The following RGS6 variants were observed in gnomAD, a reference collection of about 807,000 sequenced individuals.
RGS6 encodes the protein regulator of G-protein signaling 6.
In RGS6, 30 loss-of-function variants were observed where a neutral mutation model predicts 78.5. The ratio of observed to expected loss-of-function variants is 0.38; its 90% CI spans 0.29 to 0.52. RGS6 has a LOEUF of 0.52. RGS6 is among the 20% of genes least tolerant of loss of function. The pLI is 0.85. For synonymous variants in RGS6, 206 were observed against 206.0 expected, an observed-to-expected ratio of 1.00 and a Z score of 0.00; for missense variants, 495 against 609.7, an observed-to-expected ratio of 0.81 and a Z score of 1.98.
chr14:72,481,053 G>C (rs372095971), intron 12 of RGS6, among the ~76,000 whole-genome samples: 1 of 152,040 alleles, frequency 6.6e-6, no homozygotes, highest in African/African-American at 2.4e-5. Flanking sequence ...TAGGGGATGG[G>C]TCTGAAACCG....
chr14:72,416,644 G>T (rs1487352808), intron 3 of RGS6, among the ~76,000 whole-genome samples: 1 of 152,162 alleles, frequency 6.6e-6, no homozygotes, highest in South Asian at 2.1e-4. Flanking sequence ...CTGACCTTAG[G>T]CTGTAGTGCT....
intron 2 of RGS6, among the ~76,000 whole-genome samples, chr14:72,239,611 G>A (rs1176160818): frequency 6.6e-6 from 1 of 152,162 alleles, no homozygotes; most frequent in Non-Finnish European, 1.5e-5. Context: ...CTTGACACCA[G>A]TAATCTGATA....
chr14:72,067,787 T>A (rs931538480), intron 2 of RGS6, among the ~76,000 whole-genome samples: 6 of 152,222 alleles, frequency 3.9e-5, no homozygotes, highest in Admixed American at 3.9e-4. Flanking sequence ...ATTTCCCTTA[T>A]TAGTCTTCTA....
chr14:72,154,377 A>G (rs112081318), intron 2 of RGS6, among the ~76,000 whole-genome samples: 1 of 152,182 alleles, frequency 6.6e-6, no homozygotes. Context: ...AGATAACGGT[A>G]TTAAGAGATT....
chr14:72,137,526 G>A (rs1270506084), intron 2 of RGS6, among the ~76,000 whole-genome samples: 1 of 152,230 alleles, frequency 6.6e-6, no homozygotes, highest in Non-Finnish European at 1.5e-5. Flanking sequence ...CTGAGCAACT[G>A]GCCATAAATT....
chr14:72,268,383 T>A (rs1445296851), intron 2 of RGS6, among the ~76,000 whole-genome samples: 2 of 152,214 alleles, frequency 1.3e-5, no homozygotes. Flanking sequence ...TTCATTTCAC[T>A]TCATAGCAAC....
upstream of RGS6, among the ~76,000 whole-genome samples, chr14:71,929,837 G>A (rs1258754009): frequency 3.9e-5 from 6 of 152,232 alleles, no homozygotes; most frequent in African/African-American, 1.4e-4. Flanking sequence ...TTTACTCAAA[G>A]GGTTAAATTT....
At chr14:72,128,385 T>C (rs2096247365) in intron 2 of RGS6, among the ~76,000 whole-genome samples, 1 of 152,214 alleles carries the variant, frequency 6.6e-6, no homozygotes, top group Non-Finnish European at 1.5e-5. Context: ...GTGTCCACAA[T>C]AGAATTTGTA....
At chr14:72,193,302 T>G (rs895141677) in intron 2 of RGS6, among the ~76,000 whole-genome samples, 6 of 152,186 alleles carry the variant, frequency 3.9e-5, no homozygotes, top group Non-Finnish European at 8.8e-5. Context: ...CCCTGCTGGT[T>G]TTACTTCTGC....
At chr14:71,885,487 G>C in the RGS6 span, among the ~76,000 whole-genome samples, 1 of 152,092 alleles carries the variant, frequency 6.6e-6, no homozygotes, top group African/African-American at 2.4e-5. Context: ...ATTCTCAAAG[G>C]GCAGCTTGCT....
intron 2 of RGS6, among the ~76,000 whole-genome samples, chr14:71,984,715 A>G (rs1359518780): frequency 6.6e-6 from 1 of 152,196 alleles, no homozygotes; most frequent in Non-Finnish European, 1.5e-5. Context: ...TACGTGCTTT[A>G]TATAATTATA....
chr14:71,982,232 G>A (rs2094502309), intron 2 of RGS6, among the ~76,000 whole-genome samples: 1 of 152,196 alleles, frequency 6.6e-6, no homozygotes, highest in African/African-American at 2.4e-5. Flanking sequence ...TGGAAATGCA[G>A]AAATCACCCG....
At chr14:72,057,048 T>G (rs1288002473) in intron 2 of RGS6, among the ~76,000 whole-genome samples, 1 of 152,110 alleles carries the variant, frequency 6.6e-6, no homozygotes, top group Non-Finnish European at 1.5e-5. Flanking sequence ...GAGCAGTGGC[T>G]CCGACTTGTA....
the RGS6 span, among the ~76,000 whole-genome samples, chr14:72,579,359 G>A: frequency 1.3e-5 from 2 of 152,230 alleles, no homozygotes; most frequent in African/African-American, 2.4e-5. Flanking sequence ...TCTAAATCAG[G>A]CCAGAGCACA....
At chr14:72,269,935 G>A (rs2059679233) in intron 2 of RGS6, among the ~76,000 whole-genome samples, 1 of 152,110 alleles carries the variant, frequency 6.6e-6, no homozygotes, top group Admixed American at 6.5e-5. Flanking sequence ...GGAAATTAGA[G>A]GATAAAAAGT....
intron 2 of RGS6, among the ~76,000 whole-genome samples, chr14:72,235,183 G>A (rs1450069686): frequency 1.3e-5 from 2 of 152,212 alleles, no homozygotes; most frequent in African/African-American, 2.4e-5. Flanking sequence ...GCAGGTAGGA[G>A]TATGCGTGGA....
At chr14:72,579,913 C>G in the RGS6 span, among the ~76,000 whole-genome samples, 2 of 152,026 alleles carry the variant, frequency 1.3e-5, no homozygotes, top group Non-Finnish European at 2.9e-5. Flanking sequence ...GGATGGGGCA[C>G]GAATTGAATC....
intron 15 of RGS6, among the ~76,000 whole-genome samples, chr14:72,530,152 G>A (rs981620508): frequency 6.6e-6 from 1 of 152,180 alleles, no homozygotes; most frequent in Non-Finnish European, 1.5e-5. Context: ...CTGTCTAGGG[G>A]AGGTTTCCTC....
intron 2 of RGS6, among the ~76,000 whole-genome samples, chr14:72,030,823 A>AT (rs1224583608): frequency 6.6e-6 from 1 of 152,176 alleles, no homozygotes; most frequent in African/African-American, 2.4e-5. Flanking sequence ...AAGTAAAGTC[A>AT]TTTTTTCCTG....
Sources: allele counts gnomAD v4.1 joint callset (sites outside exome capture counted in the v4.1 genomes callset), GRCh38; gene constraint gnomAD v4.1.1; transcripts MANE v1.5; gene names NCBI Gene and HGNC (gene_info 2026-07-23, HGNC 2026-07-21).